Variants in TIMM17B observed in about 807,000 individuals in gnomAD.
The protein encoded by TIMM17B is mitochondrial import inner membrane translocase subunit Tim17-B.
TIMM17B carries 10 observed loss-of-function variants against 15.9 expected under a neutral mutation model. The ratio of observed to expected loss-of-function variants is 0.63; its 90% CI spans 0.39 to 1.06. The LOEUF is 1.06. Among genes scored for constraint, TIMM17B ranks in the 50% least tolerant of loss-of-function variants. The pLI is 0.01. For missense variants in TIMM17B, 114 were observed against 152.2 expected, an observed-to-expected ratio of 0.75 and a Z score of 1.32; for synonymous variants, 57 against 57.2, an observed-to-expected ratio of 1.00 and a Z score of 0.02.
rs371359644 is a variant in TIMM17B at position 48,894,239 on chromosome X, G to A, written c.191-14C>T. On this transcript the variant is annotated splice_polypyrimidine_tract_variant and intron_variant, in intron 4 of 6. Transcript: ENST00000376582. ...CTGCGAAGCTACCTGTAGTGGAACC[G>A]AGGCCTAATTAGTTCCTGGGAAATC... 2.3e-5 allele frequency: 28 copies of A among 1,204,126 alleles called. No homozygotes were observed. Among genetic ancestry groups the A allele is most frequent in the African/African-American group, 3.5e-5 (2 of 57,086 alleles).
intron 4 of TIMM17B, among the ~76,000 whole-genome samples, chrX:48,894,507 T>C (rs1271134196): frequency 1.8e-5 from 2 of 111,501 alleles, no homozygotes; most frequent in Admixed American, 9.6e-5. Context: ...CAGAGCAACT[T>C]TGAGCTTCAT....
At chrX:48,897,919 T>C (rs965385116) in intron 1 of TIMM17B, 151 bp from the exon 1 acceptor site, 1 of 896,822 alleles carries the variant, frequency 1.1e-6, no homozygotes, top group South Asian at 2.5e-5. Context: ...CATTGCCTCC[T>C]GAGCGTAGTC....
At chrX:48,897,832 G>T (rs2063330739) in intron 1 of TIMM17B, 64 bp from the exon 1 acceptor site, 1 of 1,158,902 alleles carries the variant, frequency 8.6e-7, no homozygotes, top group South Asian at 1.9e-5. Flanking sequence ...CTATTACCGG[G>T]CAGCGATTGG....
chrX:48,894,868 G>A (rs782186604), intron 4 of TIMM17B, among the ~76,000 whole-genome samples, 170 bp downstream of exon 3: 1 of 111,271 alleles, frequency 9.0e-6, no homozygotes, highest in South Asian at 3.7e-4. Context: ...TTAAACTCCA[G>A]AACCCACTTT....
intron 2 of TIMM17B, 154 bp from the exon 2 acceptor site, chrX:48,897,012 CGCT>C: frequency 1.9e-6 from 2 of 1,067,458 alleles, no homozygotes; most frequent in Non-Finnish European, 2.5e-6. Flanking sequence ...AGTTCTGTCA[CGCT>C]TTTTCCACAC....
intron 5 of TIMM17B, 25 bp downstream of exon 4, chrX:48,894,072 G>A (rs782102364): frequency 3.4e-5 from 41 of 1,195,264 alleles, no homozygotes; most frequent in Non-Finnish European, 4.6e-5. Flanking sequence ...GGAAGGGGCT[G>A]GGGCCAGGGC....
In TIMM17B at chrX:48,896,998, A is replaced by T. The variant is rs913127578; in HGVS notation, c.27-140T>A. 12 of 1,090,798 alleles carry T rather than the reference A, an allele frequency of 1.1e-5. No individual in the cohort carries two copies. In the South Asian group the frequency reaches 2.8e-4, roughly 25 times the overall value. 89.9% of individuals were successfully genotyped at this position (1,090,798 alleles called of 1,213,427 possible). ...GGAACAAACACTTCAGATAATAATG[A>T]GCTAGTTCTGTCACGCTTTTTCCAC... On this transcript the variant is annotated intron_variant, in intron 2 of 6. Coordinates refer to ENST00000376582, the Ensembl canonical transcript of TIMM17B.
intron 3 of TIMM17B, 23 bp from the exon 3 acceptor site, chrX:48,895,124 T>C: frequency 8.6e-7 from 1 of 1,168,395 alleles, no homozygotes; most frequent in South Asian, 1.9e-5. Flanking sequence ...AGGAAGGGCG[T>C]TAGGGCAGGG....
chrX:48,897,730 T>C, exon 2 of TIMM17B: 1 of 1,208,752 alleles, frequency 8.3e-7, no homozygotes, highest in Non-Finnish European at 1.1e-6. Context: ...GTACCAGGGC[T>C]CCCGAGCGTA....
chrX:48,893,685 G>A (rs782004195), exon 7 of TIMM17B: 6 of 1,028,655 alleles, frequency 5.8e-6, no homozygotes, highest in South Asian at 4.6e-5. Context: ...GTAGACCATC[G>A]GGGAGGGAAC....
exon 7 of TIMM17B, chrX:48,893,768 G>C: frequency 8.6e-7 from 1 of 1,167,974 alleles, no homozygotes; most frequent in East Asian, 3.0e-5. Flanking sequence ...CTGGGGCCGG[G>C]GTGCCATCCT....
intron 2 of TIMM17B, chrX:48,897,343 A>G: frequency 4.2e-6 from 1 of 240,397 alleles, no homozygotes; most frequent in South Asian, 7.7e-5. Flanking sequence ...GGCCCTCAAC[A>G]GGTTCATCCG....
intron 6 of TIMM17B, 34 bp downstream of exon 5, chrX:48,893,866 G>A: frequency 8.4e-7 from 1 of 1,187,945 alleles, no homozygotes; most frequent in Non-Finnish European, 1.1e-6. Context: ...GCCAGGTGGA[G>A]TATTTCCCAC....
At chrX:48,897,028 C>A (rs1557039660) in intron 2 of TIMM17B, 170 bp from the exon 2 acceptor site, 11 of 1,029,550 alleles carry the variant, frequency 1.1e-5, no homozygotes, top group South Asian at 2.5e-5. Context: ...TTCCACACAC[C>A]CCCCCATTAA....
intron 3 of TIMM17B, chrX:48,896,165 A>AAC (rs2063309453): frequency 9.4e-6 from 1 of 106,267 alleles, no homozygotes; most frequent in Non-Finnish European, 1.9e-5. Flanking sequence ...AAAAAAAAAA[A>AAC]AAAAAAAAAC....
intron 4 of TIMM17B, among the ~76,000 whole-genome samples, 189 bp downstream of exon 3, chrX:48,894,849 G>A (rs1462893287): frequency 2.7e-5 from 3 of 111,134 alleles, no homozygotes; most frequent in African/African-American, 9.8e-5. Context: ...GAACAGTCAG[G>A]ACCTAGATTT....
In TIMM17B at chrX:48,894,023, G is replaced by A; in HGVS notation, c.320-13C>T. ...GCCAGTGGGCCACCTGGGGGAGTTG[G>A]AGGCAGAGAAACAGAGGTGAGAGCA... On this transcript the variant is annotated splice_polypyrimidine_tract_variant and intron_variant, in intron 5 of 6. Transcript: ENST00000376582. 8.3e-7 allele frequency: 1 copy of A among 1,201,898 alleles called. No homozygotes were observed. The highest frequency in any genetic ancestry group is 1.1e-6 in the Non-Finnish European group (1 of 889,447).
intron 4 of TIMM17B, 132 bp from the exon 4 acceptor site, chrX:48,894,357 C>T (rs2063298008): frequency 9.3e-6 from 6 of 647,527 alleles, no homozygotes; most frequent in Middle Eastern, 3.8e-4. Context: ...ATAGCAAACC[C>T]ACACAGAGTA....
rs1557039257 is a variant in TIMM17B, at chrX:48,895,108, AAAGG to A, written c.127-11_127-8del. On this transcript the variant is annotated splice_polypyrimidine_tract_variant and splice_region_variant and intron_variant, in intron 3 of 6. Transcript: ENST00000376582. The stretch of plus-strand genomic sequence containing the variant: ...TCAACCGGTGCCGAATTCCCTGGGG[AAAGG>A]AAGGAAGGGCGTTAGGGCAGGGCTG... The A allele has an allele frequency of 8.4e-7, 1 of 1,191,274 alleles. No homozygotes were observed. The highest frequency in any genetic ancestry group is 1.1e-6 in the Non-Finnish European group (1 of 884,460).
Sources: gnomAD v4.1 joint callset for allele counts (sites outside exome capture counted in the v4.1 genomes callset) on GRCh38, gnomAD v4.1.1 for gene constraint, MANE v1.5 for transcripts, NCBI Gene and HGNC (gene_info 2026-07-23, HGNC 2026-07-21) for gene names.